Variants in EYS observed in about 807,000 individuals in gnomAD.
EYS encodes the protein EGF-like photoreceptor maintenance factor, also known as protein eyes shut homolog.
Under a neutral mutation model 282.1 loss-of-function variants are expected in EYS, and 250 were observed. The observed-to-expected ratio is 0.89, with a 90% CI of 0.80 to 0.98. The LOEUF (loss-of-function observed/expected upper bound fraction) is 0.98, where lower values mean the gene tolerates loss of function less well. Ranked by LOEUF, EYS falls within the 50% of genes least tolerant of loss-of-function variation. The pLI is 0.00. For missense variants in EYS, 4,016 were observed against 3,709.0 expected (o/e 1.08, Z -2.15); for synonymous variants, 1,355 against 1,282.9 (o/e 1.06, Z -1.20).
At chr6:64,497,087 T>G (rs895556668) in intron 26 of EYS, among the ~76,000 whole-genome samples, 2 of 152,124 alleles carry the variant, frequency 1.3e-5, no homozygotes, top group Non-Finnish European at 2.9e-5. Flanking sequence ...GACCTACTAC[T>G]ATTTGCCAGA....
At chr6:65,497,260 C>T (rs1299450635) in intron 2 of EYS, among the ~76,000 whole-genome samples, 1 of 151,938 alleles carries the variant, frequency 6.6e-6, no homozygotes, top group East Asian at 1.9e-4. Context: ...ATTAAGAACT[C>T]AATGAAGGAG....
At chr6:64,213,393 G>A (rs1459103094) in intron 31 of EYS, among the ~76,000 whole-genome samples, 3 of 152,210 alleles carry the variant, frequency 2.0e-5, no homozygotes, top group Admixed American at 1.3e-4. Flanking sequence ...TACTAGCAAA[G>A]CCTCTGAGAA....
chr6:64,360,036 G>C (rs1441632676), intron 29 of EYS, among the ~76,000 whole-genome samples: 2 of 151,376 alleles, frequency 1.3e-5, no homozygotes, highest in African/African-American at 4.9e-5. Flanking sequence ...TCATAATATG[G>C]GCAATTCTCT....
chr6:64,535,303 T>G (rs554629534), intron 26 of EYS, among the ~76,000 whole-genome samples: 56 of 152,308 alleles, frequency 3.7e-4, no homozygotes, highest in African/African-American at 1.3e-3. Flanking sequence ...ATTAATATAC[T>G]CCTGAAATAA....
chr6:65,455,438 A>G (rs1051831380), intron 5 of EYS, among the ~76,000 whole-genome samples: 5 of 152,134 alleles, frequency 3.3e-5, no homozygotes, highest in African/African-American at 1.2e-4. Context: ...TAAGATAGAA[A>G]CTAAAAACAA....
chr6:64,230,898 A>C, intron 30 of EYS, 74 bp from the exon 31 acceptor site: 6 of 871,946 alleles, frequency 6.9e-6, no homozygotes, highest in Non-Finnish European at 8.7e-6. Flanking sequence ...ATAATAGAAA[A>C]TTTGATTTAA....
chr6:64,879,778 A>G (rs1033809259), intron 19 of EYS, among the ~76,000 whole-genome samples: 5 of 152,118 alleles, frequency 3.3e-5, no homozygotes, highest in Non-Finnish European at 7.4e-5. Flanking sequence ...GGAAAGAGTA[A>G]GAAAACATAT....
At chr6:64,617,700 T>C (rs529722793) in intron 23 of EYS, among the ~76,000 whole-genome samples, 167 bp from the exon 24 acceptor site, 1 of 152,322 alleles carries the variant, frequency 6.6e-6, no homozygotes. Context: ...GTAGCTCTTA[T>C]TCTATCTCTA....
intron 33 of EYS, among the ~76,000 whole-genome samples, chr6:64,005,263 T>C (rs150066234): frequency 0.013 from 1,967 of 152,328 alleles, 43 homozygotes; most frequent in African/African-American, 0.045. Context: ...GTATGTCTTC[T>C]TTTGAAAAGT....
chr6:64,840,487 T>C (rs536579058), intron 19 of EYS, among the ~76,000 whole-genome samples: 1 of 152,282 alleles, frequency 6.6e-6, no homozygotes, highest in African/African-American at 2.4e-5. Context: ...GGCCAAGTGA[T>C]GGGAGAACAT....
At chr6:65,372,357 A>G (rs1765191540) in intron 8 of EYS, among the ~76,000 whole-genome samples, 1 of 152,076 alleles carries the variant, frequency 6.6e-6, no homozygotes, top group Non-Finnish European at 1.5e-5. Flanking sequence ...TTAAAATAAA[A>G]TAAATGAAAA....
At chr6:63,950,187 A>T (rs1765530738) in intron 35 of EYS, among the ~76,000 whole-genome samples, 2 of 151,110 alleles carry the variant, frequency 1.3e-5, no homozygotes, top group South Asian at 4.2e-4. Context: ...ACAAAAACAA[A>T]ACAAAACAAA....
intron 26 of EYS, among the ~76,000 whole-genome samples, chr6:64,458,796 T>C (rs369446249): frequency 3.9e-4 from 59 of 152,278 alleles, no homozygotes; most frequent in African/African-American, 1.4e-3. Context: ...GATCCCTATA[T>C]TTTTTATGCT....
chr6:64,034,274 A>G (rs1770006666), intron 33 of EYS, among the ~76,000 whole-genome samples: 3 of 152,244 alleles, frequency 2.0e-5, no homozygotes, highest in Non-Finnish European at 4.4e-5. Context: ...TACCACCACA[A>G]CTAGCTTACA....
intron 5 of EYS, among the ~76,000 whole-genome samples, chr6:65,439,582 T>A (rs1315999172): frequency 6.6e-6 from 1 of 152,148 alleles, no homozygotes; most frequent in East Asian, 1.9e-4. Context: ...GTAAGTTGGA[T>A]TCCTAGGTAT....
At chr6:63,763,126 G>C (rs774516887) in intron 40 of EYS, among the ~76,000 whole-genome samples, 4 of 152,054 alleles carry the variant, frequency 2.6e-5, no homozygotes, top group East Asian at 1.9e-4. Context: ...CCCAGGAAAG[G>C]GATGTTCATA....
At chr6:65,192,854 T>C (rs1021541087) in intron 12 of EYS, among the ~76,000 whole-genome samples, 1 of 151,850 alleles carries the variant, frequency 6.6e-6, no homozygotes. Flanking sequence ...TTAGGAAGTG[T>C]AATGATCAAG....
At chr6:65,604,480 T>C (rs1449175628) in intron 2 of EYS, among the ~76,000 whole-genome samples, 2 of 151,934 alleles carry the variant, frequency 1.3e-5, no homozygotes, top group African/African-American at 4.8e-5. Flanking sequence ...AGTAAAGCCA[T>C]GAAATACAAA....
At chr6:64,748,506 G>A (rs1772633475) in intron 22 of EYS, among the ~76,000 whole-genome samples, 1 of 152,188 alleles carries the variant, frequency 6.6e-6, no homozygotes, top group Admixed American at 6.5e-5. Flanking sequence ...GGCATTTATA[G>A]CTCAGTATCA....
Sources: allele counts gnomAD v4.1 joint callset (sites outside exome capture counted in the v4.1 genomes callset), GRCh38; gene constraint gnomAD v4.1.1; transcripts MANE v1.5; gene names NCBI Gene and HGNC (gene_info 2026-07-23, HGNC 2026-07-21).